The following TECRL variants were observed in gnomAD, a reference collection of about 807,000 sequenced individuals.
The protein encoded by TECRL is trans-2,3-enoyl-CoA reductase like.
Under a neutral mutation model 52.8 loss-of-function variants are expected in TECRL, and 63 were observed. The ratio of observed to expected loss-of-function variants is 1.19; its 90% confidence interval spans 0.97 to 1.47. The LOEUF (loss-of-function observed/expected upper bound fraction) is 1.47. Ranked by LOEUF, TECRL falls within the 40% of genes most tolerant of loss-of-function variation. The pLI is 0.00. For synonymous variants in TECRL, 164 were observed against 141.9 expected, an observed-to-expected ratio of 1.16 and a Z score of -1.10; for missense variants, 482 against 429.6, an observed-to-expected ratio of 1.12 and a Z score of -1.08.
chr4:64,335,948 G>A (rs543665378), intron 2 of TECRL, among the ~76,000 whole-genome samples: 32 of 152,194 alleles, frequency 2.1e-4, no homozygotes, highest in Non-Finnish European at 3.7e-4. Context: ...TTGCATCGAT[G>A]TTCATCATGG....
intron 2 of TECRL, among the ~76,000 whole-genome samples, chr4:64,347,652 T>C (rs1387595748): frequency 6.6e-6 from 1 of 152,038 alleles, no homozygotes; most frequent in Non-Finnish European, 1.5e-5. Context: ...GAAATTGCCA[T>C]TTATAAAGCC....
chr4:64,292,073 C>T (rs1723422247), intron 8 of TECRL, among the ~76,000 whole-genome samples: 1 of 151,978 alleles, frequency 6.6e-6, no homozygotes, highest in Non-Finnish European at 1.5e-5. Flanking sequence ...TTAGATAAAA[C>T]TGGTGATATA....
intron 9 of TECRL, among the ~76,000 whole-genome samples, chr4:64,281,990 A>T (rs9999095): frequency 0.97 from 146,983 of 151,940 alleles, 71,116 homozygotes; most frequent in East Asian, 1. Context: ...TACCTCAAAA[A>T]TCCCTGTATT....
chr4:64,326,215 G>A (rs560069673), intron 3 of TECRL, among the ~76,000 whole-genome samples: 1 of 152,144 alleles, frequency 6.6e-6, no homozygotes, highest in South Asian at 2.1e-4. Context: ...CTTGGAAACA[G>A]TGATGGAAAA....
intron 1 of TECRL, among the ~76,000 whole-genome samples, chr4:64,377,454 C>T (rs959551780): frequency 6.6e-6 from 1 of 151,962 alleles, no homozygotes; most frequent in African/African-American, 2.4e-5. Context: ...ACTTTTTAGT[C>T]AGTTTTACAA....
At chr4:64,406,120 G>A (rs991750109) in intron 1 of TECRL, among the ~76,000 whole-genome samples, 3 of 150,896 alleles carry the variant, frequency 2.0e-5, no homozygotes, top group African/African-American at 7.3e-5. Context: ...CGACAGCAGA[G>A]GCAAGAGAAA....
chr4:64,382,296 T>C (rs1157858456), intron 1 of TECRL, among the ~76,000 whole-genome samples: 1 of 145,466 alleles, frequency 6.9e-6, no homozygotes, highest in African/African-American at 2.5e-5. Context: ...TATTATATAT[T>C]ATACATTATA....
chr4:64,345,921 A>AAAAAAAAAAAAAAAAAAAAAAC (rs1719936866), intron 2 of TECRL, among the ~76,000 whole-genome samples: 1 of 145,242 alleles, frequency 6.9e-6, no homozygotes, highest in Non-Finnish European at 1.5e-5. Flanking sequence ...AAAAAAAAAA[A>AAAAAAAAAAAAAAAAAAAAAAC]AAAAAAAAAA....
intron 5 of TECRL, among the ~76,000 whole-genome samples, chr4:64,311,571 G>A (rs779387800): frequency 6.6e-6 from 1 of 152,080 alleles, no homozygotes; most frequent in Admixed American, 6.6e-5. Flanking sequence ...AGAAATTTTG[G>A]TTCAAGCTAT....
chr4:64,310,051 G>A (rs1724580389), intron 5 of TECRL, 120 bp from the exon 6 acceptor site: 12 of 563,542 alleles, frequency 2.1e-5, no homozygotes, highest in South Asian at 2.1e-4. Flanking sequence ...ATTGTTTCTG[G>A]TAGCTAAAAC....
rs778548342 is a variant in TECRL, at chr4:64,322,815, AT to A, written c.332-24del. On this transcript the variant is annotated intron_variant, in intron 3 of 11. Transcript: ENST00000381210. ...CGCCTAAAATAAAAATAACAAGAAA[AT>A]TTTATTTTAATACAATTTCTTAGCA... The A allele has an allele frequency of 3.9e-5, 60 of 1,527,864 alleles. No homozygotes were observed. The East Asian group carries it at 8.4e-4, about 21-fold the overall frequency. The allele number at this position is 1,527,864 out of a possible 1,614,324, so 94.6% of individuals were successfully genotyped here. A position where few individuals can be genotyped will look rare whatever the true frequency, so the allele number is the denominator to read the frequency against.
At chr4:64,289,570 A>C (rs1002873799) in intron 9 of TECRL, 140 bp downstream of exon 9, 2 of 657,280 alleles carry the variant, frequency 3.0e-6, no homozygotes, top group African/African-American at 3.9e-5. Context: ...TGGAAAAACT[A>C]GACATAAAAG....
At chr4:64,407,731 T>C (rs1035789270) in intron 1 of TECRL, among the ~76,000 whole-genome samples, 1 of 151,650 alleles carries the variant, frequency 6.6e-6, no homozygotes, top group Non-Finnish European at 1.5e-5. Context: ...TTTTTCATAG[T>C]GGAATATTAT....
chr4:64,334,201 C>T (rs1311541176), intron 2 of TECRL, among the ~76,000 whole-genome samples: 3 of 151,992 alleles, frequency 2.0e-5, no homozygotes, highest in East Asian at 1.9e-4. Context: ...AAGTAATAAA[C>T]ATCAAATATT....
At position 64,391,412 on chromosome 4, in the gene TECRL, A is replaced by G. The variant is rs543062293; in HGVS notation, c.235-16189T>C. On this transcript the variant is annotated intron_variant, in intron 1 of 11. Transcript: ENST00000381210. ...ACAACTGGATGTTTAACCAGTCTGC[A>G]TGATTGTCTCAGAGTAATTTCAAAG... is the stretch of plus-strand genomic sequence containing the variant. Among the ~76,000 whole-genome samples the G allele has an allele frequency of 4.6e-5, 7 of 151,958 alleles. No individual in the cohort carries two copies. In the East Asian group the frequency reaches 9.7e-4, roughly 21 times the overall value.
At chr4:64,403,078 C>G (rs1314624941) in intron 1 of TECRL, among the ~76,000 whole-genome samples, 1 of 151,862 alleles carries the variant, frequency 6.6e-6, no homozygotes, top group African/African-American at 2.4e-5. Flanking sequence ...TCCCCGTGTT[C>G]CTATCTCTCT....
At chr4:64,404,232 A>AC (rs1450735474) in intron 1 of TECRL, among the ~76,000 whole-genome samples, 2 of 151,528 alleles carry the variant, frequency 1.3e-5, no homozygotes, top group African/African-American at 4.8e-5. Flanking sequence ...AAAAAAAAAA[A>AC]AAAACAATAG....
At chr4:64,298,117 T>C (rs938820501) in intron 8 of TECRL, among the ~76,000 whole-genome samples, 12 of 151,304 alleles carry the variant, frequency 7.9e-5, no homozygotes, top group Admixed American at 4.6e-4. Flanking sequence ...TTACTTTCAA[T>C]ATTTAAAAAA....
At chr4:64,376,972 C>T (rs1053783212) in intron 1 of TECRL, among the ~76,000 whole-genome samples, 8 of 151,972 alleles carry the variant, frequency 5.3e-5, no homozygotes, top group African/African-American at 1.9e-4. Flanking sequence ...GTTTCTTAAT[C>T]TGATATGCAA....
Sources: gnomAD v4.1 joint callset for allele counts (sites outside exome capture counted in the v4.1 genomes callset) on GRCh38, gnomAD v4.1.1 for gene constraint, MANE v1.5 for transcripts, NCBI Gene and HGNC (gene_info 2026-07-23, HGNC 2026-07-21) for gene names.